Variants in SLC9A2 observed in about 807,000 individuals in gnomAD.
The protein encoded by SLC9A2 is sodium/hydrogen exchanger 2.
In SLC9A2, 42 loss-of-function variants were observed where a neutral mutation model predicts 71.7. That is an observed-to-expected ratio of 0.59 (90% CI 0.46 to 0.76). The LOEUF is 0.76. Among genes scored for constraint, SLC9A2 ranks in the 30% least tolerant of loss-of-function variants. The pLI is 0.00. For synonymous variants in SLC9A2, 396 were observed against 392.5 expected, an observed-to-expected ratio of 1.01 and a Z score of -0.10; for missense variants, 829 against 1,017.4, an observed-to-expected ratio of 0.81 and a Z score of 2.52.
intron 1 of SLC9A2, among the ~76,000 whole-genome samples, chr2:102,652,262 G>A (rs1676849622): frequency 6.6e-6 from 1 of 152,054 alleles, no homozygotes; most frequent in Non-Finnish European, 1.5e-5. Context: ...TCACTCCATG[G>A]GCAGAAGACA....
intron 7 of SLC9A2, among the ~76,000 whole-genome samples, chr2:102,699,462 C>A (rs541687887): frequency 6.6e-6 from 1 of 152,068 alleles, no homozygotes; most frequent in Non-Finnish European, 1.5e-5. Flanking sequence ...ATATTTTTAA[C>A]GGGAGCACTT....
chr2:102,705,771 A>G (rs1677962563), intron 10 of SLC9A2, 75 bp from the exon 11 acceptor site: 1 of 841,204 alleles, frequency 1.2e-6, no homozygotes, highest in African/African-American at 1.8e-5. Context: ...AAGTTTTGCT[A>G]TACAATTTTT....
At chr2:102,700,944 C>G in intron 7 of SLC9A2, 126 bp from the exon 8 acceptor site, 1 of 636,824 alleles carries the variant, frequency 1.6e-6, no homozygotes, top group South Asian at 2.1e-5. Flanking sequence ...ATAAAATGAC[C>G]AGATTAGCTA....
chr2:102,672,163 C>T (rs1016960373), intron 3 of SLC9A2, among the ~76,000 whole-genome samples: 1 of 151,986 alleles, frequency 6.6e-6, no homozygotes, highest in African/African-American at 2.4e-5. Context: ...ATTTTTAAGA[C>T]TGAGTAGGAA....
At position 102,670,599 on chromosome 2, in the gene SLC9A2, C is replaced by CAAA. The variant is rs66543071; in HGVS notation, c.1004+5270_1004+5272dup. Among the ~76,000 whole-genome samples the CAAA allele has an allele frequency of 5.9e-3, 458 of 78,242 alleles. 1 individual carries two copies. Among genetic ancestry groups the CAAA allele is most frequent in the African/African-American group, 7.0e-3 (146 of 20,756 alleles). 51.3% of individuals were successfully genotyped at this position (78,242 alleles called of 152,430 possible). A position where few individuals can be genotyped will look rare whatever the true frequency, so the allele number is the denominator to read the frequency against. The stretch of plus-strand genomic sequence containing the variant: ...TATGTGCAATATCCCCTCCCCCCAC[C>CAAA]AAAAAAAAAAAAAAAAAAAAAAACA... On this transcript the variant is annotated intron_variant, in intron 3 of 11. Transcript: ENST00000233969.
In SLC9A2 at chr2:102,705,943, A is replaced by C. The variant is rs979431470; in HGVS notation, c.2068+7A>C. ...AGGACTATTTCTATTGCAGGTAGTG[A>C]ATATAGTTGGAGCAGAAAAATTTTA... On this transcript the variant is annotated splice_region_variant and intron_variant, in intron 11 of 11. Coordinates refer to ENST00000233969, the MANE Select transcript of SLC9A2 (RefSeq NM_003048.6). 6 of 1,536,052 alleles carry C rather than the reference A, an allele frequency of 3.9e-6. No individual in the cohort carries two copies. The African/African-American group carries it at 7.0e-5, about 18-fold the overall frequency.
At chr2:102,689,518 C>T (rs926056856) in intron 5 of SLC9A2, among the ~76,000 whole-genome samples, 1 of 152,058 alleles carries the variant, frequency 6.6e-6, no homozygotes, top group Admixed American at 6.5e-5. Context: ...TGTGAAGACC[C>T]TCAAATGTGC....
chr2:102,661,555 G>A lies in SLC9A2; in HGVS notation c.753+3528G>A, dbSNP rs898273938. On this transcript the variant is annotated intron_variant, in intron 2 of 11. Transcript: ENST00000233969. ...CTGAGACAGAGCCATTCTGATAGAC[G>A]ACTGTATTTGTATAATTTGCACCCT... Among the ~76,000 whole-genome samples, 4 of 152,004 alleles carry A rather than the reference G, an allele frequency of 2.6e-5. No homozygotes were observed. In the East Asian group the frequency reaches 7.7e-4, roughly 29 times the overall value.
At chr2:102,656,589 C>A (rs1676947510) in intron 1 of SLC9A2, among the ~76,000 whole-genome samples, 1 of 152,110 alleles carries the variant, frequency 6.6e-6, no homozygotes, top group African/African-American at 2.4e-5. Context: ...CTTGAGGCAT[C>A]CTGACGAATT....
Position 102,662,560 on chromosome 2 carries a change from G to C in SLC9A2, c.754-2540G>C, listed in dbSNP as rs188295846. On this transcript the variant is annotated intron_variant, in intron 2 of 11. Transcript: ENST00000233969. ...GAGAGCTGGGTATTTGCAAAGGCTG[G>C]AGGGGTCCAGGAGGGCTCCTGGGGG... 1.8e-3 allele frequency among the ~76,000 whole-genome samples: 278 copies of C among 152,282 alleles called. 2 individuals carry two copies. Among genetic ancestry groups the C allele is most frequent in the African/African-American group, 6.5e-3 (272 of 41,554 alleles).
In SLC9A2 at chr2:102,632,101, T is replaced by C. The variant is rs1436626581; in HGVS notation, c.289+11964T>C. On this transcript the variant is annotated intron_variant, in intron 1 of 11. Coordinates refer to ENST00000233969, the MANE Select transcript of SLC9A2 (RefSeq NM_003048.6). ...ACACACATATATATACACATATATATACATATATATGTATATATACATATA... is the reference window on the plus strand; with the variant it reads ...ACACACATATATATACACATATATACACATATATATGTATATATACATATA... Among the ~76,000 whole-genome samples the C allele has an allele frequency of 1.4e-3, 172 of 126,204 alleles. 1 individual carries two copies. The highest frequency in any genetic ancestry group is 4.9e-3 in the African/African-American group (147 of 30,048). The allele number at this position is 126,204 out of a possible 152,430, so 82.8% of individuals were successfully genotyped here. A position where few individuals can be genotyped will look rare whatever the true frequency, so the allele number is the denominator to read the frequency against.
At chr2:102,653,200 T>C (rs1676868695) in intron 1 of SLC9A2, among the ~76,000 whole-genome samples, 1 of 152,216 alleles carries the variant, frequency 6.6e-6, no homozygotes. Flanking sequence ...AATTTCTTCT[T>C]GCCAATGAAA....
At chr2:102,702,707 T>C (rs1677897989) in intron 9 of SLC9A2, among the ~76,000 whole-genome samples, 2 of 152,214 alleles carry the variant, frequency 1.3e-5, no homozygotes, top group Non-Finnish European at 2.9e-5. Context: ...TGGGGTCCCC[T>C]GGGAGTTCTG....
rs937493168 is a variant in SLC9A2 at position 102,660,193 on chromosome 2, G to A, written c.753+2166G>A. 2.0e-5 allele frequency among the ~76,000 whole-genome samples: 3 copies of A among 152,318 alleles called. No individual in the cohort carries two copies. In the South Asian group the frequency reaches 6.2e-4, roughly 32 times the overall value. The stretch of plus-strand genomic sequence containing the variant: ...AGGCACAACTGTGGTTTTATGGAAA[G>A]AAAGGGAGGGCTGACCCAGGGAAGG... On this transcript the variant is annotated intron_variant, in intron 2 of 11. Transcript: ENST00000233969.
chr2:102,646,650 G>T (rs770541302), intron 1 of SLC9A2, among the ~76,000 whole-genome samples: 35 of 151,526 alleles, frequency 2.3e-4, no homozygotes, highest in Middle Eastern at 3.4e-3. Flanking sequence ...AAAAAGCAGG[G>T]GTTGCAATCC....
intron 1 of SLC9A2, among the ~76,000 whole-genome samples, chr2:102,630,268 G>A (rs1336437862): frequency 2.0e-5 from 3 of 151,794 alleles, no homozygotes; most frequent in Admixed American, 6.6e-5. Context: ...ATTCTTCAGT[G>A]GATACTTCAG....
At chr2:102,640,413 C>T (rs1018933184) in intron 1 of SLC9A2, among the ~76,000 whole-genome samples, 1 of 152,170 alleles carries the variant, frequency 6.6e-6, no homozygotes, top group African/African-American at 2.4e-5. Flanking sequence ...ATTCAGATGA[C>T]CATCAAAAGT....
At chr2:102,688,730 A>G (rs529204366) in intron 5 of SLC9A2, among the ~76,000 whole-genome samples, 1 of 151,516 alleles carries the variant, frequency 6.6e-6, no homozygotes, top group East Asian at 2.2e-4. Flanking sequence ...CTGTCTCAAA[A>G]CAAACAAACA....
rs188935174 is a variant in SLC9A2, at chr2:102,671,070, T to A, written c.1004+5720T>A. Among the ~76,000 whole-genome samples the A allele has an allele frequency of 2.5e-3, 383 of 152,276 alleles. 7 individuals are homozygous for A. The highest frequency in any genetic ancestry group is 8.7e-3 in the African/African-American group (363 of 41,556). On this transcript the variant is annotated intron_variant, in intron 3 of 11. Transcript: ENST00000233969. ...AAAACATTATATGACGCATCATGTT[T>A]ATAAAATGCTTTCAAACACAGGATG...
Sources: allele counts gnomAD v4.1 joint callset (sites outside exome capture counted in the v4.1 genomes callset), GRCh38; gene constraint gnomAD v4.1.1; transcripts MANE v1.5; gene names NCBI Gene and HGNC (gene_info 2026-07-23, HGNC 2026-07-21).